The following PTPRD variants were observed in gnomAD, a reference collection of about 807,000 sequenced individuals.
The protein encoded by PTPRD is protein tyrosine phosphatase receptor type D.
A neutral mutation model predicts 214.5 loss-of-function variants in PTPRD; 34 were observed. That is an observed-to-expected ratio of 0.16 (90% confidence interval 0.12 to 0.21). PTPRD has a LOEUF of 0.21. PTPRD is among the 10% of genes least tolerant of loss of function. The probability of loss-of-function intolerance (pLI) is 1.00; values close to 1 mark genes in which losing one functional copy is unlikely to be tolerated. For missense variants in PTPRD, 2,545 were observed against 2,398.7 expected, an observed-to-expected ratio of 1.06 and a Z score of -1.27; for synonymous variants, 1,128 against 845.7, an observed-to-expected ratio of 1.33 and a Z score of -5.79.
chr9:9,258,117 A>ACAGG (rs1555116283), intron 9 of PTPRD, among the ~76,000 whole-genome samples: 1 of 151,884 alleles, frequency 6.6e-6, no homozygotes, highest in Non-Finnish European at 1.5e-5. Context: ...AGATAGATAG[A>ACAGG]CAGATAAACT....
chr9:9,786,327 C>A (rs2098923529), intron 5 of PTPRD, among the ~76,000 whole-genome samples: 1 of 152,180 alleles, frequency 6.6e-6, no homozygotes, highest in South Asian at 2.1e-4. Flanking sequence ...GATACATTTG[C>A]ATGCATTTCA....
intron 8 of PTPRD, among the ~76,000 whole-genome samples, chr9:9,554,335 C>T: frequency 6.6e-6 from 1 of 151,754 alleles, no homozygotes; most frequent in Non-Finnish European, 1.5e-5. Flanking sequence ...CTAATATATT[C>T]TTCTGCCTCA....
chr9:9,899,415 AG>A (rs1378194701), intron 5 of PTPRD, among the ~76,000 whole-genome samples: 3 of 152,152 alleles, frequency 2.0e-5, no homozygotes, highest in East Asian at 3.8e-4. Context: ...TATTTCTGTA[AG>A]GAAGACATAC....
At chr9:10,553,071 T>C (rs115983245) in intron 2 of PTPRD, among the ~76,000 whole-genome samples, 83 of 152,272 alleles carry the variant, frequency 5.5e-4, no homozygotes, top group African/African-American at 1.9e-3. Context: ...CCTGAGCCCA[T>C]CATAGTGATC....
chr9:10,588,427 T>TACGCACACACACAC (rs2074495842), intron 2 of PTPRD, among the ~76,000 whole-genome samples: 1 of 146,610 alleles, frequency 6.8e-6, no homozygotes, highest in South Asian at 2.2e-4. Flanking sequence ...TGGCTTATTG[T>TACGCACACACACAC]ACACACACAC....
chr9:8,853,166 A>T (rs1394486473), intron 11 of PTPRD, among the ~76,000 whole-genome samples: 1 of 152,142 alleles, frequency 6.6e-6, no homozygotes, highest in Non-Finnish European at 1.5e-5. Flanking sequence ...AAGAATTCTA[A>T]TTCATTAATT....
chr9:9,263,775 G>C (rs2132291820), intron 9 of PTPRD, among the ~76,000 whole-genome samples: 1 of 151,718 alleles, frequency 6.6e-6, no homozygotes, highest in African/African-American at 2.4e-5. Flanking sequence ...CATAAACATG[G>C]GAACAATACA....
intron 8 of PTPRD, among the ~76,000 whole-genome samples, chr9:9,555,964 A>G (rs2081417268): frequency 6.6e-6 from 1 of 152,050 alleles, no homozygotes; most frequent in African/African-American, 2.4e-5. Context: ...TGTGTCTTAA[A>G]TTACTCCTTT....
At chr9:9,732,921 A>T (rs2098224682) in intron 7 of PTPRD, among the ~76,000 whole-genome samples, 7 of 151,714 alleles carry the variant, frequency 4.6e-5, no homozygotes, top group Admixed American at 4.6e-4. Flanking sequence ...CCAAAAAAAA[A>T]AATTACTAAG....
chr9:10,491,157 A>G (rs1227916441), intron 2 of PTPRD, among the ~76,000 whole-genome samples: 2 of 152,192 alleles, frequency 1.3e-5, no homozygotes, highest in African/African-American at 4.8e-5. Context: ...TAATTGATAA[A>G]TGAATACATG....
intron 5 of PTPRD, among the ~76,000 whole-genome samples, chr9:9,899,956 C>G (rs1023940760): frequency 5.3e-5 from 8 of 151,886 alleles, no homozygotes; most frequent in African/African-American, 1.5e-4. Context: ...AGACACATGA[C>G]AAACCTGAAA....
At chr9:10,232,615 T>G (rs766848004) in intron 3 of PTPRD, among the ~76,000 whole-genome samples, 8 of 151,998 alleles carry the variant, frequency 5.3e-5, no homozygotes, top group Non-Finnish European at 1.2e-4. Flanking sequence ...TGTAATTACC[T>G]TAAGAATTAG....
chr9:10,506,972 CTA>C (rs2046203915), intron 2 of PTPRD, among the ~76,000 whole-genome samples: 3 of 152,080 alleles, frequency 2.0e-5, no homozygotes, highest in African/African-American at 7.2e-5. Flanking sequence ...ACTTCCAACA[CTA>C]TGTTGAATAG....
chr9:9,573,070 T>G (rs1473751690), intron 8 of PTPRD, among the ~76,000 whole-genome samples: 2 of 151,682 alleles, frequency 1.3e-5, no homozygotes, highest in Admixed American at 6.6e-5. Flanking sequence ...TCAACACTAT[T>G]GATAAAGCCA....
At chr9:8,722,271 G>C (rs2098508784) in intron 12 of PTPRD, among the ~76,000 whole-genome samples, 1 of 151,726 alleles carries the variant, frequency 6.6e-6, no homozygotes, top group Non-Finnish European at 1.5e-5. Flanking sequence ...ATTGCCAAAG[G>C]GTCAGAATTC....
intron 11 of PTPRD, among the ~76,000 whole-genome samples, chr9:8,827,725 G>A (rs778459446): frequency 6.6e-6 from 1 of 152,066 alleles, no homozygotes; most frequent in Admixed American, 6.6e-5. Context: ...TTAACCTATA[G>A]GGTATTTATC....
chr9:9,195,300 C>T (rs961367273), intron 9 of PTPRD, among the ~76,000 whole-genome samples: 5 of 151,922 alleles, frequency 3.3e-5, no homozygotes, highest in Admixed American at 6.6e-5. Flanking sequence ...TAGTTGAAAA[C>T]ATATGTTTGG....
intron 35 of PTPRD, among the ~76,000 whole-genome samples, chr9:8,435,495 A>G (rs1422086273): frequency 6.6e-6 from 1 of 152,154 alleles, no homozygotes; most frequent in Non-Finnish European, 1.5e-5. Flanking sequence ...CTGCCCAGGT[A>G]CCCAATAACC....
chr9:9,446,355 G>A (rs2090402776), intron 8 of PTPRD, among the ~76,000 whole-genome samples: 1 of 152,150 alleles, frequency 6.6e-6, no homozygotes, highest in African/African-American at 2.4e-5. Context: ...GATACCTTAT[G>A]TTCCATTGTG....
Sources: gnomAD v4.1 joint callset for allele counts (sites outside exome capture counted in the v4.1 genomes callset) on GRCh38, gnomAD v4.1.1 for gene constraint, MANE v1.5 for transcripts, NCBI Gene and HGNC (gene_info 2026-07-23, HGNC 2026-07-21) for gene names.